UBE4B: variants seen among roughly 807,000 people sequenced by gnomAD.
The protein encoded by UBE4B is ubiquitination factor E4B, also known as ubiquitin conjugation factor E4 B.
A neutral mutation model predicts 148.1 loss-of-function variants in UBE4B; 27 were observed. The observed-to-expected ratio is 0.18, with a 90% CI of 0.13 to 0.25. UBE4B has a LOEUF of 0.25. UBE4B is among the 10% of genes least tolerant of loss of function. The pLI is 1.00. For synonymous variants in UBE4B, 596 were observed against 619.3 expected (o/e 0.96, Z 0.56); for missense variants, 1,170 against 1,662.4 (o/e 0.70, Z 5.15).
Position 10,106,494 on chromosome 1 carries a change from A to G in UBE4B, c.1107A>G (p.Arg369=). ...SPQAVPASSS[R]QRPSSTGPPL... is the part of the protein sequence containing the mutation. ...AAGCAGTGCCCGCCAGCAGTTCCAG[A>G]CAGAGGCCCAGCAGCACGGGTCCAC... Residue 369 remains arginine (R), a synonymous_variant, in exon 7 of 28, where the codon AGA becomes AGG. Transcript: ENST00000343090. The surrounding 1 kb of genome is among the most constrained non-coding windows in gnomAD (Gnocchi z 4.2). 1.2e-6 allele frequency: 2 copies of G among 1,613,338 alleles called. No homozygotes were observed. The highest frequency in any genetic ancestry group is 1.7e-6 in the Non-Finnish European group (2 of 1,179,944).
At chr1:10,163,804 C>T (rs918190307) in intron 23 of UBE4B, among the ~76,000 whole-genome samples, 4 of 151,306 alleles carry the variant, frequency 2.6e-5, no homozygotes, top group Non-Finnish European at 4.4e-5. Flanking sequence ...CAGAGTCTCA[C>T]TCTGTCACCC....
chr1:10,063,822 C>T (rs1239522657), intron 1 of UBE4B, among the ~76,000 whole-genome samples: 1 of 151,522 alleles, frequency 6.6e-6, no homozygotes, highest in East Asian at 1.9e-4. Flanking sequence ...GCAGGAGAAT[C>T]GCTTGAACCA....
intron 25 of UBE4B, among the ~76,000 whole-genome samples, chr1:10,175,417 C>A (rs549393168): frequency 2.6e-5 from 4 of 151,890 alleles, no homozygotes; most frequent in Non-Finnish European, 4.4e-5. Flanking sequence ...TTTGGGAGGC[C>A]AAGGCGGGCG....
At chr1:10,097,054 AT>A (rs200040981) in intron 3 of UBE4B, among the ~76,000 whole-genome samples, 42 of 148,946 alleles carry the variant, frequency 2.8e-4, no homozygotes, top group South Asian at 2.1e-4. Context: ...AAAAAAAAAA[AT>A]AATAATAATA....
chr1:10,135,169 A>C lies in UBE4B; in HGVS notation c.2207A>C (p.Asp736Ala). ...RVNATMEDVN[D>A]WLTELYGDQP... The stretch of plus-strand genomic sequence containing the variant: ...AATGCAACGATGGAAGATGTGAATG[A>C]CTGGCTGACTGAACTCTGTGAGTAC... Residue 736 changes from aspartate (D) to alanine (A), a missense_variant, in exon 16 of 28, where the codon GAC (aspartate) becomes GCC (alanine). By Grantham distance (126) the Asp-to-Ala change is moderately radical. This residue lies in a region of UBE4B where 388 missense variants were observed against 536.0 expected (regional missense o/e 0.72). Transcript: ENST00000343090. The C allele has an allele frequency of 6.2e-7, 1 of 1,613,650 alleles. No individual in the cohort carries two copies. Among genetic ancestry groups the C allele is most frequent in the Non-Finnish European group, 8.5e-7 (1 of 1,179,782 alleles).
intron 1 of UBE4B, among the ~76,000 whole-genome samples, chr1:10,058,298 A>G (rs562350701): frequency 1.3e-5 from 2 of 152,304 alleles, no homozygotes; most frequent in East Asian, 3.9e-4. Flanking sequence ...GAAGCAGAAA[A>G]TGATTGGAAA....
At chr1:10,062,936 A>G (rs896128224) in intron 1 of UBE4B, among the ~76,000 whole-genome samples, 3 of 151,218 alleles carry the variant, frequency 2.0e-5, no homozygotes, top group African/African-American at 7.3e-5. Context: ...AGCCTGGGAA[A>G]CAAGAGTGAA....
At chr1:10,058,041 G>A (rs1194087185) in intron 1 of UBE4B, among the ~76,000 whole-genome samples, 2 of 152,178 alleles carry the variant, frequency 1.3e-5, no homozygotes, top group Admixed American at 6.5e-5. Context: ...TACAATTAAA[G>A]TGGGAGTGCC....
At position 10,062,956 on chromosome 1, in the gene UBE4B, C is replaced by CA. The variant is rs529503429; in HGVS notation, c.25-9057dup. 4.1e-3 allele frequency among the ~76,000 whole-genome samples: 334 copies of CA among 82,396 alleles called. 1 individual carries two copies. Among genetic ancestry groups the CA allele is most frequent in the South Asian group, 0.015 (38 of 2,588 alleles). 54.1% of individuals were successfully genotyped at this position (82,396 alleles called of 152,430 possible). On this transcript the variant is annotated intron_variant, in intron 1 of 27. Coordinates refer to ENST00000343090, the MANE Select transcript of UBE4B (RefSeq NM_001105562.3). ...GGGAAACAAGAGTGAAACTCCGTCT[C>CA]AAAAAAAAAAAAAAAGAAAAAGAAA...
intron 1 of UBE4B, among the ~76,000 whole-genome samples, chr1:10,069,910 A>C (rs975935891): frequency 1.3e-5 from 2 of 152,184 alleles, no homozygotes; most frequent in Non-Finnish European, 2.9e-5. Flanking sequence ...AGATAAGTAA[A>C]GTAGTCAGTA....
chr1:10,160,011 T>C (rs1646135151), intron 22 of UBE4B, among the ~76,000 whole-genome samples: 1 of 152,226 alleles, frequency 6.6e-6, no homozygotes, highest in African/African-American at 2.4e-5. Flanking sequence ...CTCCTGCACT[T>C]GTTCACAGGA....
At chr1:10,082,964 C>T (rs1040573454) in intron 2 of UBE4B, among the ~76,000 whole-genome samples, 5 of 152,156 alleles carry the variant, frequency 3.3e-5, no homozygotes, top group Middle Eastern at 3.4e-3. Flanking sequence ...CACCTTCATC[C>T]ATGTCCCTGC....
rs138912462 is a variant in UBE4B at position 10,160,998 on chromosome 1, A to G, written c.3054-144A>G. 5.6e-4 allele frequency: 447 copies of G among 797,120 alleles called. 2 individuals are homozygous for G. In the African/African-American group the frequency reaches 6.8e-3, roughly 12 times the overall value. The allele number at this position is 797,120 out of a possible 1,614,324, so 49.4% of individuals were successfully genotyped here. On this transcript the variant is annotated intron_variant, in intron 22 of 27. Coordinates refer to ENST00000343090, the MANE Select transcript of UBE4B (RefSeq NM_001105562.3). ...AGAAGCTTGGTGGTCCTTGAATTCC[A>G]TAGTGCCTGACTTGTGCCAGGGTAG...
chr1:10,129,511 C>A, intron 12 of UBE4B, 63 bp downstream of exon 12: 1 of 1,515,860 alleles, frequency 6.6e-7, no homozygotes, highest in Non-Finnish European at 9.1e-7. Flanking sequence ...AGAAGGCATT[C>A]CTCTAGTGAG....
intron 3 of UBE4B, among the ~76,000 whole-genome samples, chr1:10,099,536 T>G (rs1267966114): frequency 6.6e-6 from 1 of 151,844 alleles, no homozygotes; most frequent in African/African-American, 2.4e-5. Context: ...CAGTAATATA[T>G]TACTTCTCCC....
chr1:10,033,877 C>T (rs990595092), intron 1 of UBE4B, among the ~76,000 whole-genome samples, 183 bp downstream of exon 1: 1 of 152,186 alleles, frequency 6.6e-6, no homozygotes, highest in Non-Finnish European at 1.5e-5. Context: ...ATTCTGTTGC[C>T]TTCTTTCTTC....
chr1:10,098,337 AT>A (rs1434140756), intron 3 of UBE4B, among the ~76,000 whole-genome samples: 2 of 152,226 alleles, frequency 1.3e-5, no homozygotes, highest in African/African-American at 4.8e-5. Flanking sequence ...CAAGAGTTTG[AT>A]AAAATTCCAC....
intron 25 of UBE4B, among the ~76,000 whole-genome samples, chr1:10,177,514 G>A (rs1646445621): frequency 1.3e-5 from 2 of 151,772 alleles, no homozygotes; most frequent in African/African-American, 2.4e-5. Flanking sequence ...AAATTAACTG[G>A]GCATAGTGGC....
Position 10,059,495 on chromosome 1 carries a change from C to T in UBE4B, c.25-12533C>T, listed in dbSNP as rs72859593. On this transcript the variant is annotated intron_variant, in intron 1 of 27. Transcript: ENST00000343090. ...ACAGTCGAGCCTTGGGAGGCTCTCC[C>T]GGAAGGGGCCATCATGGAGCTGAGC... 433 of 216,236 alleles carry T rather than the reference C, an allele frequency of 2.0e-3. 2 individuals carry two copies. The highest frequency in any genetic ancestry group is 8.5e-3 in the African/African-American group (368 of 43,438). The allele number at this position is 216,236 out of a possible 1,614,324, so 13.4% of individuals were successfully genotyped here. A position where few individuals can be genotyped will look rare whatever the true frequency, so the allele number is the denominator to read the frequency against.
Sources: gnomAD v4.1 joint callset for allele counts (sites outside exome capture counted in the v4.1 genomes callset) on GRCh38, gnomAD v4.1.1 for gene constraint, gnomAD v4.1.1 regional missense constraint, Gnocchi (gnomAD v3.1) non-coding constraint, MANE v1.5 for transcripts, NCBI Gene and HGNC (gene_info 2026-07-23, HGNC 2026-07-21) for gene names.